DAG1: variants seen among roughly 807,000 people sequenced by gnomAD.
DAG1 encodes the protein dystroglycan 1, also known as dystroglycan 1 (dystrophin-associated glycoprotein 1).
A neutral mutation model predicts 46.1 loss-of-function variants in DAG1; 8 were observed. The observed-to-expected ratio is 0.17, with a 90% CI of 0.10 to 0.31. DAG1 has a LOEUF of 0.31. DAG1 is among the 10% of genes least tolerant of loss of function. DAG1 has a pLI of 1.00. For missense variants in DAG1, 1,003 were observed against 1,189.9 expected (o/e 0.84, Z 2.31); for synonymous variants, 495 against 481.8 (o/e 1.03, Z -0.36).
intron 1 of DAG1, among the ~76,000 whole-genome samples, chr3:49,477,403 C>T (rs1190278012): frequency 1.3e-5 from 2 of 152,122 alleles, no homozygotes. Context: ...GCCATCCTCC[C>T]ACCTTGGCCT....
chr3:49,508,300 C>T (rs576242218), intron 1 of DAG1, among the ~76,000 whole-genome samples: 6 of 150,672 alleles, frequency 4.0e-5, no homozygotes, highest in East Asian at 1.9e-4. Context: ...CTCCTGGGTT[C>T]GAGCAATTCT....
At chr3:49,480,071 T>G (rs2049828414) in intron 1 of DAG1, among the ~76,000 whole-genome samples, 1 of 146,192 alleles carries the variant, frequency 6.8e-6, no homozygotes, top group African/African-American at 2.5e-5. Flanking sequence ...CGCCTCAGCA[T>G]CCTGAGTAGC....
Position 49,535,402 on chromosome 3 carries a change from A to G in DAG1, c.*2203A>G, listed in dbSNP as rs2107979496. 6.5e-6 allele frequency: 1 copy of G among 152,784 alleles called. No homozygotes were observed. The highest frequency in any genetic ancestry group is 3.4e-3 in the Middle Eastern group (1 of 294). The allele number at this position is 152,784 out of a possible 1,614,324, so 9.5% of individuals were successfully genotyped here. ...AGGCGATGGGGCAGTGAACAGAATA[A>G]CAACAGCAACAATGCCTTTGCAGGC... is the stretch of plus-strand genomic sequence containing the variant. On this transcript the variant is annotated 3_prime_UTR_variant, in exon 3 of 3. Transcript: ENST00000308775.
At chr3:49,476,563 A>G (rs1358936840) in intron 1 of DAG1, among the ~76,000 whole-genome samples, 1 of 152,148 alleles carries the variant, frequency 6.6e-6, no homozygotes, top group African/African-American at 2.4e-5. Context: ...TGCAGTGTTG[A>G]GGTTTTTCTT....
intron 1 of DAG1, among the ~76,000 whole-genome samples, chr3:49,508,107 C>G (rs2050656339): frequency 6.8e-6 from 1 of 147,458 alleles, no homozygotes. Context: ...TTATTTGTTT[C>G]AATGGTTTTT....
At chr3:49,521,537 G>A (rs934063941) in intron 2 of DAG1, among the ~76,000 whole-genome samples, 3 of 152,048 alleles carry the variant, frequency 2.0e-5, no homozygotes, top group Admixed American at 2.0e-4. Context: ...ATAGCTCACT[G>A]CAGCCTTGAC....
chr3:49,473,153 C>T (rs886726550), intron 1 of DAG1, among the ~76,000 whole-genome samples: 1 of 151,896 alleles, frequency 6.6e-6, no homozygotes, highest in African/African-American at 2.4e-5. Flanking sequence ...CGGTGGCTCA[C>T]GCCCGTAATC....
At chr3:49,480,176 A>G (rs1357916010) in intron 1 of DAG1, among the ~76,000 whole-genome samples, 9 of 133,956 alleles carry the variant, frequency 6.7e-5, no homozygotes. Context: ...CTGGTCTCGA[A>G]CTCCTGACCT....
intron 1 of DAG1, among the ~76,000 whole-genome samples, chr3:49,500,875 G>A (rs1185746770): frequency 3.9e-5 from 6 of 152,074 alleles, no homozygotes; most frequent in Non-Finnish European, 7.4e-5. Context: ...TCTCTGTAGC[G>A]TCTCTATCTG....
intron 2 of DAG1, among the ~76,000 whole-genome samples, chr3:49,521,802 TC>T (rs967158314): frequency 6.6e-6 from 1 of 151,776 alleles, no homozygotes; most frequent in Non-Finnish European, 1.5e-5. Context: ...ATTTGGCAGT[TC>T]CCTGGTCATT....
At position 49,532,969 on chromosome 3, in the gene DAG1, CAGG is replaced by C; in HGVS notation, c.2464_2466del (p.Glu822del). On this transcript the variant is annotated inframe_deletion, in exon 3 of 3. Coordinates refer to ENST00000308775, the MANE Select transcript of DAG1 (RefSeq NM_004393.6). This position sits in a 1 kb window ranked among gnomAD's most constrained non-coding sequence, Gnocchi z 5.4. ...CTCCTCCAGCATGCCACTCATTCTGCAGGAGGAGAAGGCTCCCCTACCCCCTCC... is the reference window on the plus strand; with the variant it reads ...CTCCTCCAGCATGCCACTCATTCTGCAGGAGAAGGCTCCCCTACCCCCTCC... 2 of 1,614,098 alleles carry C rather than the reference CAGG, an allele frequency of 1.2e-6. No individual in the cohort carries two copies. Among genetic ancestry groups the C allele is most frequent in the Non-Finnish European group, 1.7e-6 (2 of 1,180,006 alleles).
chr3:49,483,264 C>T (rs973189943), intron 1 of DAG1, among the ~76,000 whole-genome samples: 5 of 148,148 alleles, frequency 3.4e-5, no homozygotes, highest in South Asian at 2.1e-4. Flanking sequence ...AGTGCAGTGG[C>T]GTGATCTCAG....
At chr3:49,503,891 G>C (rs982167312) in intron 1 of DAG1, among the ~76,000 whole-genome samples, 1 of 151,740 alleles carries the variant, frequency 6.6e-6, no homozygotes, top group Non-Finnish European at 1.5e-5. Context: ...TACTGTGTCA[G>C]ATTTAAAATT....
In DAG1 at chr3:49,533,361, C is replaced by T. The variant is rs1411161163; in HGVS notation, c.*162C>T. 1.9e-6 allele frequency: 2 copies of T among 1,051,668 alleles called. No homozygotes were observed. Among genetic ancestry groups the T allele is most frequent in the Admixed American group, 2.0e-5 (1 of 50,380 alleles). The allele number at this position is 1,051,668 out of a possible 1,614,324, so 65.1% of individuals were successfully genotyped here. On this transcript the variant is annotated 3_prime_UTR_variant, in exon 3 of 3. Coordinates refer to ENST00000308775, the MANE Select transcript of DAG1 (RefSeq NM_004393.6). ...CTGGACAAGCCCGCCCTCTCTGGTCCTCCCAAACCCCAAAGCAGCTGGAGA... is the reference window on the plus strand; with the variant it reads ...CTGGACAAGCCCGCCCTCTCTGGTCTTCCCAAACCCCAAAGCAGCTGGAGA...
rs1019391369 is a variant in DAG1, at chr3:49,531,403, C to T, written c.892C>T (p.His298Tyr). Residue 298 changes from histidine to tyrosine, a missense_variant, in exon 3 of 3, where the codon CAC (histidine) becomes TAC (tyrosine). Physicochemically the swap from His to Tyr is moderately conservative, Grantham distance 83 (BLOSUM62 2). This residue lies in a region of DAG1 where 755 missense variants were observed against 854.1 expected (regional missense o/e 0.88). Transcript: ENST00000308775. This position sits in a 1 kb window ranked among gnomAD's most constrained non-coding sequence, Gnocchi z 7.0. ...GCTTGGCTACCCTGTGGTGGGTTGG[C>T]ACATCGCCAATAAGAAGCCCCCTCT... Reference protein sequence around the residue: ...AQLGYPVVGWHIANKKPPLPK... With the variant: ...AQLGYPVVGWYIANKKPPLPK... 1.2e-6 allele frequency: 2 copies of T among 1,614,082 alleles called. No homozygotes were observed. The highest frequency in any genetic ancestry group is 1.7e-6 in the Non-Finnish European group (2 of 1,180,016).
intron 1 of DAG1, among the ~76,000 whole-genome samples, chr3:49,493,938 C>G (rs1329719050): frequency 2.6e-5 from 4 of 152,230 alleles, no homozygotes; most frequent in Non-Finnish European, 5.9e-5. Context: ...TTTGGCTCTT[C>G]TGCTCTAGCT....
At chr3:49,515,696 C>G (rs571280885) in intron 2 of DAG1, among the ~76,000 whole-genome samples, 22 of 152,042 alleles carry the variant, frequency 1.4e-4, no homozygotes, top group Non-Finnish European at 2.8e-4. Flanking sequence ...GCCCACTATT[C>G]TTGAGTGTGT....
chr3:49,510,913 T>A (rs2050746564), intron 2 of DAG1, 94 bp downstream of exon 2: 2 of 1,553,668 alleles, frequency 1.3e-6, no homozygotes, highest in African/African-American at 2.7e-5. Context: ...CTTCACCAAT[T>A]CTGAGCTCAG....
At chr3:49,517,275 G>C (rs2050923202) in intron 2 of DAG1, among the ~76,000 whole-genome samples, 1 of 152,172 alleles carries the variant, frequency 6.6e-6, no homozygotes, top group Non-Finnish European at 1.5e-5. Flanking sequence ...TTACAGGAGA[G>C]AGCCACCGCA....
Sources: gnomAD v4.1 joint callset for allele counts (sites outside exome capture counted in the v4.1 genomes callset) on GRCh38, gnomAD v4.1.1 for gene constraint, gnomAD v4.1.1 regional missense constraint, Gnocchi (gnomAD v3.1) non-coding constraint, MANE v1.5 for transcripts, NCBI Gene and HGNC (gene_info 2026-07-23, HGNC 2026-07-21) for gene names.